JMY: variants seen among roughly 807,000 people sequenced by gnomAD.
JMY encodes junction mediating and regulatory protein, p53 cofactor.
Under a neutral mutation model 103.3 loss-of-function variants are expected in JMY, and 46 were observed. That is an observed-to-expected ratio of 0.45 (90% CI 0.35 to 0.57). The LOEUF is 0.57. Ranked by LOEUF, JMY falls within the 20% of genes least tolerant of loss-of-function variation. The pLI, the probability that JMY is intolerant of heterozygous loss-of-function variation, is 0.00. For synonymous variants in JMY, 526 were observed against 489.3 expected, an observed-to-expected ratio of 1.07 and a Z score of -0.99; for missense variants, 1,238 against 1,255.2, an observed-to-expected ratio of 0.99 and a Z score of 0.21.
intron 1 of JMY, among the ~76,000 whole-genome samples, chr5:79,252,687 A>C (rs879520204): frequency 3.3e-5 from 5 of 152,222 alleles, no homozygotes; most frequent in Non-Finnish European, 7.3e-5. Flanking sequence ...CTCTTGCTAA[A>C]TTGACCCCTT....
chr5:79,270,308 T>G (rs1745708677), intron 1 of JMY, among the ~76,000 whole-genome samples: 1 of 142,726 alleles, frequency 7.0e-6, no homozygotes, highest in African/African-American at 2.6e-5. Context: ...ACATAAATAT[T>G]TAAAATATAT....
chr5:79,261,665 C>T (rs575620671), intron 1 of JMY, among the ~76,000 whole-genome samples: 50 of 152,308 alleles, frequency 3.3e-4, no homozygotes, highest in Non-Finnish European at 3.1e-4. Context: ...TGCCCTTTCC[C>T]CTTTAAATTT....
At chr5:79,281,353 A>ATTT (rs35881012) in intron 2 of JMY, among the ~76,000 whole-genome samples, 10 of 116,712 alleles carry the variant, frequency 8.6e-5, no homozygotes, top group African/African-American at 3.2e-4. Flanking sequence ...CAAGAAATTA[A>ATTT]TTTTTTTTTT....
chr5:79,263,289 A>G (rs1745479710), intron 1 of JMY, among the ~76,000 whole-genome samples: 1 of 152,242 alleles, frequency 6.6e-6, no homozygotes, highest in Non-Finnish European at 1.5e-5. Flanking sequence ...CTGAGGCACA[A>G]AATATATTTG....
chr5:79,265,943 C>A (rs536000611), intron 1 of JMY, among the ~76,000 whole-genome samples: 1 of 152,186 alleles, frequency 6.6e-6, no homozygotes, highest in East Asian at 1.9e-4. Context: ...CCACCACACT[C>A]GGCTAGTACT....
chr5:79,314,793 G>T lies in JMY; in HGVS notation c.2601G>T (p.Gln867His). 1 of 1,611,266 alleles carries T rather than the reference G, an allele frequency of 6.2e-7. No individual in the cohort carries two copies. Among genetic ancestry groups the T allele is most frequent in the East Asian group, 2.2e-5 (1 of 44,868 alleles). The change falls in exon 9 of 11, where the codon CAG (glutamine) becomes CAT (histidine). Residue 867 changes from glutamine to histidine, a missense_variant. Transcript: ENST00000396137. ...APSAHLFDSS[Q>H]LVSARKKLRK... ...CAGCACACCTCTTTGACAGCAGCCAGCTGGTCAGTGCACGGAAGAAGCTCA... is the reference window on the plus strand; with the variant it reads ...CAGCACACCTCTTTGACAGCAGCCATCTGGTCAGTGCACGGAAGAAGCTCA...
intron 6 of JMY, 95 bp downstream of exon 6, chr5:79,300,958 C>CA: frequency 9.6e-7 from 1 of 1,036,292 alleles, no homozygotes; most frequent in Non-Finnish European, 1.4e-6. Flanking sequence ...TGTTTTAAAA[C>CA]TAAGTAAGCA....
chr5:79,255,247 C>T lies in JMY; in HGVS notation c.1032+17565C>T, dbSNP rs182143525. On this transcript the variant is annotated intron_variant, in intron 1 of 10. Coordinates refer to ENST00000396137, the MANE Select transcript of JMY (RefSeq NM_152405.5). The stretch of plus-strand genomic sequence containing the variant: ...GAGTACCTGGGATTACAGGCACCCA[C>T]CACCACGCCTGGCTAATTTTTGTAT... Among the ~76,000 whole-genome samples the T allele has an allele frequency of 5.3e-3, 797 of 151,726 alleles. 4 individuals carry two copies. The highest frequency in any genetic ancestry group is 8.7e-3 in the Non-Finnish European group (589 of 67,998).
At chr5:79,270,282 T>C (rs1057463126) in intron 1 of JMY, among the ~76,000 whole-genome samples, 1 of 147,722 alleles carries the variant, frequency 6.8e-6, no homozygotes, top group Non-Finnish European at 1.5e-5. Flanking sequence ...TATATGTTTA[T>C]ATAAAATATA....
intron 2 of JMY, among the ~76,000 whole-genome samples, chr5:79,280,461 CAT>C (rs1178339941): frequency 6.6e-6 from 1 of 152,176 alleles, no homozygotes; most frequent in African/African-American, 2.4e-5. Flanking sequence ...GAACAGAAAA[CAT>C]ATTTTGAAAA....
At chr5:79,262,659 A>G (rs1428594116) in intron 1 of JMY, among the ~76,000 whole-genome samples, 1 of 152,230 alleles carries the variant, frequency 6.6e-6, no homozygotes, top group East Asian at 1.9e-4. Context: ...GTAGTCTAGT[A>G]TTGGAAAAAC....
intron 1 of JMY, among the ~76,000 whole-genome samples, chr5:79,240,793 A>G (rs1031114848): frequency 1.3e-5 from 2 of 152,150 alleles, no homozygotes; most frequent in African/African-American, 4.8e-5. Flanking sequence ...CTAGCCATGT[A>G]TTTGTCTTAA....
In JMY at chr5:79,314,545, T is replaced by G; in HGVS notation, c.2353T>G (p.Ser785Ala). 6.2e-7 allele frequency: 1 copy of G among 1,614,112 alleles called. No homozygotes were observed. Among genetic ancestry groups the G allele is most frequent in the Admixed American group, 1.7e-5 (1 of 60,014 alleles). Residue 785 changes from serine (S) to alanine (A), a missense_variant, in exon 9 of 11, where the codon TCT becomes GCT. Ser to Ala is a moderately conservative substitution (Grantham distance 99). Transcript: ENST00000396137. ...GVTSELPPTI[S>A]LPLLNNNLEP... ...TACCTCTGAACTGCCTCCCACTATA[T>G]CTCTTCCACTTTTGAATAACAACCT...
At chr5:79,259,695 G>T (rs958102990) in intron 1 of JMY, among the ~76,000 whole-genome samples, 16 of 152,260 alleles carry the variant, frequency 1.1e-4, no homozygotes, top group Admixed American at 7.2e-4. Flanking sequence ...CCGAGCCTGT[G>T]CACACCCAGC....
Position 79,323,073 on chromosome 5 carries a change from T to TATTA in JMY, c.*1472_*1475dup, listed in dbSNP as rs759213223. On this transcript the variant is annotated 3_prime_UTR_variant, in exon 11 of 11. Transcript: ENST00000396137. ...GGTTATGTAAGACAACAACTTTTTT[T>TATTA]ATTATTTCAAAACAAAACAGGCACA... The TATTA allele has an allele frequency of 6.6e-6, 1 of 152,210 alleles. No homozygotes were observed. Among genetic ancestry groups the TATTA allele is most frequent in the African/African-American group, 2.4e-5 (1 of 41,456 alleles). The allele number at this position is 152,210 out of a possible 1,614,324, so 9.4% of individuals were successfully genotyped here. A position where few individuals can be genotyped will look rare whatever the true frequency, so the allele number is the denominator to read the frequency against.
At position 79,320,904 on chromosome 5, in the gene JMY, C is replaced by T. The variant is rs568690487; in HGVS notation, c.*4-702C>T. Among the ~76,000 whole-genome samples, 4 of 152,190 alleles carry T rather than the reference C, an allele frequency of 2.6e-5. No homozygotes were observed. The East Asian group carries it at 7.7e-4, about 29-fold the overall frequency. Reference sequence around the variant, plus strand: ...ACATCTCAGTTTGAATGCTAAGGATCTGATACTTAATGAGAAATGTCCTAC... The same window carrying T: ...ACATCTCAGTTTGAATGCTAAGGATTTGATACTTAATGAGAAATGTCCTAC... On this transcript the variant is annotated intron_variant, in intron 10 of 10. Transcript: ENST00000396137.
rs1444275632 is a variant in JMY at position 79,327,065 on chromosome 5, A to C, written c.*5463A>C. 2.0e-5 allele frequency: 3 copies of C among 152,296 alleles called. No individual in the cohort carries two copies. The East Asian group carries it at 5.8e-4, about 29-fold the overall frequency. 9.4% of individuals were successfully genotyped at this position (152,296 alleles called of 1,614,324 possible). A position where few individuals can be genotyped will look rare whatever the true frequency, so the allele number is the denominator to read the frequency against. Reference sequence around the variant, plus strand: ...TATTGCTTTGTATTTCATGTTTTTTACACTCATGACTTCAGAGTTAAGTAC... The same window carrying C: ...TATTGCTTTGTATTTCATGTTTTTTCCACTCATGACTTCAGAGTTAAGTAC... On this transcript the variant is annotated 3_prime_UTR_variant, in exon 11 of 11. Coordinates refer to ENST00000396137, the MANE Select transcript of JMY (RefSeq NM_152405.5).
At position 79,316,255 on chromosome 5, in the gene JMY, C is replaced by G; in HGVS notation, c.2915C>G (p.Pro972Arg). ...EALRRIKEAS[P>R]ESEDEEEALP... ...CTTAGAAGAATTAAAGAAGCATCCC[C>G]AGAGTCAGAGGACGAAGAGGAGGCT... Residue 972 changes from proline to arginine, a missense_variant, in exon 10 of 11, where the codon CCA becomes CGA. Transcript: ENST00000396137. The G allele has an allele frequency of 6.2e-7, 1 of 1,613,822 alleles. No homozygotes were observed.
Position 79,236,450 on chromosome 5 carries a change from C to A in JMY, c.-201C>A. ...TACCTGCTCCCGGGACGCTTATTGTCCTTCTCTCGATCCGCGCCACAAAGG... is the reference window on the plus strand; with the variant it reads ...TACCTGCTCCCGGGACGCTTATTGTACTTCTCTCGATCCGCGCCACAAAGG... On this transcript the variant is annotated 5_prime_UTR_variant, in exon 1 of 11. Transcript: ENST00000396137. 1 of 417,052 alleles carries A rather than the reference C, an allele frequency of 2.4e-6. No individual in the cohort carries two copies. The highest frequency in any genetic ancestry group is 4.2e-6 in the Non-Finnish European group (1 of 240,426). The allele number at this position is 417,052 out of a possible 1,614,324, so 25.8% of individuals were successfully genotyped here.
Sources: allele counts gnomAD v4.1 joint callset (sites outside exome capture counted in the v4.1 genomes callset), GRCh38; gene constraint gnomAD v4.1.1; transcripts MANE v1.5; gene names NCBI Gene and HGNC (gene_info 2026-07-23, HGNC 2026-07-21).